Variants in KANK1 observed in about 807,000 individuals in gnomAD.
KANK1 encodes the protein KN motif and ankyrin repeat domain-containing protein 1.
Under a neutral mutation model 106.2 loss-of-function variants are expected in KANK1, and 109 were observed. The observed-to-expected ratio is 1.03, with a 90% confidence interval of 0.88 to 1.20. The LOEUF (loss-of-function observed/expected upper bound fraction) is 1.20, where lower values mean the gene tolerates loss of function less well. Ranked by LOEUF, KANK1 falls within the 50% of genes most tolerant of loss-of-function variation. KANK1 has a pLI of 0.00. For missense variants in KANK1, 2,399 were observed against 1,710.7 expected (o/e 1.40, Z -7.10); for synonymous variants, 873 against 652.2 (o/e 1.34, Z -5.16).
chr9:683,945 T>C (rs919419257), intron 2 of KANK1, among the ~76,000 whole-genome samples: 8 of 152,314 alleles, frequency 5.3e-5, no homozygotes, highest in African/African-American at 9.6e-5. Context: ...GAGAAGATAA[T>C]GTAACTACTT....
chr9:644,840 A>G (rs1195729646), intron 1 of KANK1, among the ~76,000 whole-genome samples: 1 of 151,160 alleles, frequency 6.6e-6, no homozygotes, highest in East Asian at 1.9e-4. Context: ...AATTAGGCCT[A>G]GCAGGTGTGG....
chr9:494,486 T>C (rs988377643), intron 3 of KANK1, among the ~76,000 whole-genome samples: 5 of 152,194 alleles, frequency 3.3e-5, no homozygotes, highest in Non-Finnish European at 7.3e-5. Flanking sequence ...TTGGTCTGTG[T>C]GATGATAGAA....
At chr9:537,535 TATAAATCTTGATTGATTC>T (rs2060364538) in intron 1 of KANK1, among the ~76,000 whole-genome samples, 1 of 152,184 alleles carries the variant, frequency 6.6e-6, no homozygotes, top group Admixed American at 6.5e-5. Context: ...CTCTTGAGAT[TATAAATCTTGATTGATTC>T]ATATGTTGAA....
intron 1 of KANK1, among the ~76,000 whole-genome samples, chr9:581,400 C>G (rs985524411): frequency 1.3e-5 from 2 of 152,216 alleles, no homozygotes. Flanking sequence ...ATACAAGAGC[C>G]TTCTCGTAAA....
intron 1 of KANK1, among the ~76,000 whole-genome samples, chr9:538,178 T>C (rs1308938229): frequency 6.8e-6 from 1 of 147,766 alleles, no homozygotes; most frequent in East Asian, 2.0e-4. Context: ...TTCTCGTCTG[T>C]AAAAAAAAAA....
chr9:481,132 T>C (rs757252337), intron 3 of KANK1, among the ~76,000 whole-genome samples: 2 of 152,226 alleles, frequency 1.3e-5, no homozygotes, highest in Admixed American at 1.3e-4. Context: ...TCTCATGTAA[T>C]TTATTGAATA....
chr9:656,290 C>T (rs138991374), intron 1 of KANK1, among the ~76,000 whole-genome samples: 223 of 152,256 alleles, frequency 1.5e-3, no homozygotes, highest in African/African-American at 4.9e-3. Context: ...AAGACCTTCG[C>T]GTGAGGAGGA....
intron 1 of KANK1, among the ~76,000 whole-genome samples, chr9:532,315 C>T (rs1470751713): frequency 2.8e-5 from 4 of 143,014 alleles, no homozygotes; most frequent in East Asian, 2.0e-4. Flanking sequence ...CATCTCGGCT[C>T]ACCGCAACCT....
chr9:635,422 G>C (rs570829199), intron 1 of KANK1, among the ~76,000 whole-genome samples: 2 of 152,092 alleles, frequency 1.3e-5, no homozygotes, highest in Non-Finnish European at 2.9e-5. Flanking sequence ...ATTCCTTCAT[G>C]TGCTTCGTAG....
At chr9:652,420 G>A (rs897098443) in intron 1 of KANK1, among the ~76,000 whole-genome samples, 2 of 152,186 alleles carry the variant, frequency 1.3e-5, no homozygotes, top group African/African-American at 4.8e-5. Flanking sequence ...CTACTCAGGA[G>A]GCTGAGGCAA....
intron 2 of KANK1, among the ~76,000 whole-genome samples, chr9:680,402 T>A (rs1817307112): frequency 6.6e-6 from 1 of 152,154 alleles, no homozygotes; most frequent in African/African-American, 2.4e-5. Flanking sequence ...TCACGGAGGC[T>A]GGGTAAAAGA....
At chr9:530,933 G>A (rs1018874580) in intron 1 of KANK1, among the ~76,000 whole-genome samples, 6 of 152,230 alleles carry the variant, frequency 3.9e-5, no homozygotes, top group African/African-American at 1.4e-4. Context: ...TCCATCGTGG[G>A]TGACAGAGTG....
intron 1 of KANK1, among the ~76,000 whole-genome samples, chr9:604,856 A>C (rs903219): frequency 0.34 from 51,720 of 151,408 alleles, 10,874 homozygotes; most frequent in South Asian, 0.55. Context: ...TAAGTTTCCT[A>C]AGGCTTCCCC....
At chr9:642,007 C>T (rs570043936) in intron 1 of KANK1, among the ~76,000 whole-genome samples, 1 of 152,148 alleles carries the variant, frequency 6.6e-6, no homozygotes, top group Non-Finnish European at 1.5e-5. Context: ...CACACACCCC[C>T]CAGCACTAGG....
chr9:562,301 C>T (rs1337642829), intron 1 of KANK1, among the ~76,000 whole-genome samples: 1 of 151,962 alleles, frequency 6.6e-6, no homozygotes, highest in Non-Finnish European at 1.5e-5. Context: ...ATCCACCCGC[C>T]TCGGCCTCCC....
In KANK1 at chr9:529,328, C is replaced by T. The variant is rs1187013898; in HGVS notation, c.-84+24574C>T. ...TTTTTGAGACGGAGTCTTGCTCTGT[C>T]GCCAGGCTGGAGTGCAATGGCGCCA... On this transcript the variant is annotated intron_variant, in intron 1 of 11. Coordinates refer to ENST00000382297, the MANE Select transcript of KANK1 (RefSeq NM_015158.5). Among the ~76,000 whole-genome samples, 6 of 148,906 alleles carry T rather than the reference C, an allele frequency of 4.0e-5. No homozygotes were observed. In the South Asian group the frequency reaches 8.5e-4, roughly 21 times the overall value.
rs543358571 is a variant in KANK1, at chr9:667,675, C to G, written c.-83-9215C>G. 4.0e-5 allele frequency among the ~76,000 whole-genome samples: 6 copies of G among 150,490 alleles called. No individual in the cohort carries two copies. The East Asian group carries it at 7.8e-4, about 19-fold the overall frequency. On this transcript the variant is annotated intron_variant, in intron 1 of 11. Transcript: ENST00000382297. Reference sequence around the variant, plus strand: ...TTAAATGTTCTTATTTCTTCATCAACTCATTGTTTATTCAGGAGCATGTTG... The same window carrying G: ...TTAAATGTTCTTATTTCTTCATCAAGTCATTGTTTATTCAGGAGCATGTTG...
intron 1 of KANK1, among the ~76,000 whole-genome samples, chr9:586,683 T>C (rs17411977): frequency 0.044 from 6,733 of 152,278 alleles, 241 homozygotes; most frequent in Non-Finnish European, 0.068. Flanking sequence ...TGCTGAATTA[T>C]GTTTGTACTA....
intron 1 of KANK1, among the ~76,000 whole-genome samples, chr9:662,395 C>T (rs1014587917): frequency 6.6e-6 from 1 of 152,144 alleles, no homozygotes; most frequent in Non-Finnish European, 1.5e-5. Context: ...AAGAACAAAG[C>T]TGGAGGCATC....
Sources: gnomAD v4.1 joint callset for allele counts (sites outside exome capture counted in the v4.1 genomes callset) on GRCh38, gnomAD v4.1.1 for gene constraint, MANE v1.5 for transcripts, NCBI Gene and HGNC (gene_info 2026-07-23, HGNC 2026-07-21) for gene names.